The following ABI3BP variants were observed in gnomAD, a reference collection of about 807,000 sequenced individuals.
The protein encoded by ABI3BP is target of Nesh-SH3.
In ABI3BP, 216 loss-of-function variants were observed where a neutral mutation model predicts 268.6. The ratio of observed to expected loss-of-function variants is 0.80; its 90% CI spans 0.72 to 0.90. The LOEUF (loss-of-function observed/expected upper bound fraction) is 0.90. Among genes scored for constraint, ABI3BP ranks in the 40% least tolerant of loss-of-function variants. ABI3BP has a pLI of 0.00. For missense variants in ABI3BP, 2,090 were observed against 2,182.4 expected (o/e 0.96, Z 0.84); for synonymous variants, 730 against 730.0 (o/e 1.00, Z 0.00).
chr3:100,970,112 C>G (rs1361608713), intron 1 of ABI3BP, among the ~76,000 whole-genome samples: 1 of 152,100 alleles, frequency 6.6e-6, no homozygotes, highest in African/African-American at 2.4e-5. Context: ...GCCTAGATGG[C>G]CTGTTTGGGT....
intron 4 of ABI3BP, among the ~76,000 whole-genome samples, chr3:100,894,161 G>A (rs1253927303): frequency 1.3e-5 from 2 of 152,042 alleles, no homozygotes; most frequent in South Asian, 2.1e-4. Flanking sequence ...AAAGAAAAAC[G>A]AATGTATCTT....
Position 100,876,555 on chromosome 3 carries a change from T to C in ABI3BP, c.702A>G (p.Ala234=), listed in dbSNP as rs2099162696. 26 of 1,613,400 alleles carry C rather than the reference T, an allele frequency of 1.6e-5. No individual in the cohort carries two copies. The highest frequency in any genetic ancestry group is 2.2e-5 in the Non-Finnish European group (26 of 1,179,588). Residue 234 remains alanine (A), a synonymous_variant, in exon 7 of 68, where the codon GCA becomes GCG. Coordinates refer to ENST00000471714, the MANE Select transcript of ABI3BP (RefSeq NM_001375547.2). ...TTGGGATTAGTTTCCTTGGGACATA[T>C]GCTGGCTGCAAAGAGAAGAAGAAAG... ...STYDQDHTVP[A]YVPRKLIPIT...
At chr3:100,947,099 G>T (rs1325615990) in intron 1 of ABI3BP, among the ~76,000 whole-genome samples, 2 of 151,848 alleles carry the variant, frequency 1.3e-5, no homozygotes, top group Non-Finnish European at 2.9e-5. Context: ...CATTTTTATG[G>T]TAATAATTAA....
chr3:100,808,043 G>A, intron 50 of ABI3BP, 118 bp downstream of exon 50: 1 of 862,590 alleles, frequency 1.2e-6, no homozygotes, highest in Non-Finnish European at 1.9e-6. Context: ...TACAGAGGAA[G>A]ACTTGTTTTA....
chr3:100,982,931 G>A (rs1026688923), intron 1 of ABI3BP, among the ~76,000 whole-genome samples: 2 of 152,106 alleles, frequency 1.3e-5, no homozygotes, highest in Non-Finnish European at 1.5e-5. Context: ...TCCAGAGCTC[G>A]CTGCCAGCAT....
chr3:100,908,459 T>A (rs1303968112), intron 2 of ABI3BP, among the ~76,000 whole-genome samples: 5 of 151,992 alleles, frequency 3.3e-5, no homozygotes, highest in Non-Finnish European at 5.9e-5. Flanking sequence ...TACCTAGGAA[T>A]CCAACTTACA....
chr3:100,851,649 T>A (rs1223569348), intron 15 of ABI3BP, among the ~76,000 whole-genome samples: 1 of 152,204 alleles, frequency 6.6e-6, no homozygotes, highest in African/African-American at 2.4e-5. Context: ...GGCAACCAAA[T>A]CTATCTGCAT....
intron 1 of ABI3BP, among the ~76,000 whole-genome samples, chr3:100,946,274 G>A (rs1174917213): frequency 2.0e-5 from 3 of 151,562 alleles, no homozygotes; most frequent in Admixed American, 1.3e-4. Context: ...AGGAAGCTGA[G>A]GCAGGAGAAT....
At position 100,824,867 on chromosome 3, in the gene ABI3BP, T is replaced by G; in HGVS notation, c.2737A>C (p.Thr913Pro). 6.5e-7 allele frequency: 1 copy of G among 1,535,914 alleles called. No individual in the cohort carries two copies. The highest frequency in any genetic ancestry group is 8.7e-7 in the Non-Finnish European group (1 of 1,146,564). ...KTTPSPQAPE[T>P]KPVPATVLEP... ...GGAATCACAGATTTACCAGGTTTGG[T>G]CTCAGGTGCCTGAGGGCTCGGTGTA... is the stretch of plus-strand genomic sequence containing the variant. Residue 913 changes from threonine to proline, a missense_variant, in exon 36 of 68, where the codon ACC becomes CCC. Transcript: ENST00000471714.
chr3:100,812,373 T>C (rs2097883329), intron 46 of ABI3BP, 94 bp downstream of exon 46: 1 of 832,552 alleles, frequency 1.2e-6, no homozygotes, highest in African/African-American at 1.8e-5. Context: ...CAAGTGGCTA[T>C]GAAATGTCAC....
intron 63 of ABI3BP, among the ~76,000 whole-genome samples, chr3:100,761,783 T>TA (rs2149545237): frequency 6.6e-6 from 1 of 152,344 alleles, no homozygotes; most frequent in East Asian, 1.9e-4. Flanking sequence ...GAAGCTCTAC[T>TA]CCACCCATGT....
intron 62 of ABI3BP, among the ~76,000 whole-genome samples, chr3:100,768,176 C>T (rs1044209562): frequency 2.0e-5 from 3 of 151,498 alleles, no homozygotes; most frequent in African/African-American, 7.3e-5. Context: ...GCAAGCTCCG[C>T]CTCCTGGGTT....
At chr3:100,856,256 T>C (rs1250910779) in intron 14 of ABI3BP, among the ~76,000 whole-genome samples, 2 of 152,140 alleles carry the variant, frequency 1.3e-5, no homozygotes, top group African/African-American at 2.4e-5. Flanking sequence ...AATCTACTAC[T>C]CCTTGGGCAT....
At chr3:100,942,602 A>C (rs2069941453) in intron 1 of ABI3BP, among the ~76,000 whole-genome samples, 1 of 152,074 alleles carries the variant, frequency 6.6e-6, no homozygotes, top group Non-Finnish European at 1.5e-5. Context: ...TGATTTGCTT[A>C]CATTCTGTTG....
chr3:100,762,187 T>A (rs1250025835), intron 63 of ABI3BP, among the ~76,000 whole-genome samples: 1 of 152,198 alleles, frequency 6.6e-6, no homozygotes, highest in Non-Finnish European at 1.5e-5. Context: ...CTTTTATTAG[T>A]GTTAATCTTG....
At chr3:100,913,225 G>T (rs1379779951) in intron 2 of ABI3BP, among the ~76,000 whole-genome samples, 2 of 152,096 alleles carry the variant, frequency 1.3e-5, no homozygotes, top group Non-Finnish European at 2.9e-5. Context: ...TTCAGCAATG[G>T]GGTATAAAAT....
chr3:100,894,952 A>AAAAAAAAAAAACAAAAAC (rs1561383982), intron 4 of ABI3BP, among the ~76,000 whole-genome samples: 196 of 111,630 alleles, frequency 1.8e-3, no homozygotes, highest in Non-Finnish European at 3.8e-3. Flanking sequence ...AAAAAAAAAA[A>AAAAAAAAAAAACAAAAAC]AAAAAAAAAA....
intron 1 of ABI3BP, among the ~76,000 whole-genome samples, chr3:100,939,371 G>A (rs2067787613): frequency 7.1e-6 from 1 of 139,988 alleles, no homozygotes; most frequent in Non-Finnish European, 1.6e-5. Context: ...ATCATTTATC[G>A]AGGAACCTGC....
chr3:100,752,735 A>G (rs1026034076), intron 66 of ABI3BP, 52 bp downstream of exon 66: 2 of 1,587,246 alleles, frequency 1.3e-6, no homozygotes, highest in African/African-American at 2.7e-5. Context: ...ACAATGCTGC[A>G]AAACATTCCC....
Sources: gnomAD v4.1 joint callset for allele counts (sites outside exome capture counted in the v4.1 genomes callset) on GRCh38, gnomAD v4.1.1 for gene constraint, MANE v1.5 for transcripts, NCBI Gene and HGNC (gene_info 2026-07-23, HGNC 2026-07-21) for gene names.